Variants in B4GALNT2 observed in about 807,000 individuals in gnomAD.
B4GALNT2 encodes the protein beta-1,4-N-acetyl-galactosaminyltransferase 2 (SID blood group), also known as N-acetylneuraminylgalactosylglucosyl-glucoside beta-1,4-N- acetylgalactosaminyltransferase 2.
In B4GALNT2, 42 loss-of-function variants were observed where a neutral mutation model predicts 51.1. The observed-to-expected ratio is 0.82, with a 90% confidence interval of 0.64 to 1.06. The LOEUF is 1.06. Ranked by LOEUF, B4GALNT2 falls within the 50% of genes least tolerant of loss-of-function variation. The pLI is 0.00. For missense variants in B4GALNT2, 602 were observed against 633.6 expected (o/e 0.95, Z 0.54); for synonymous variants, 253 against 251.7 (o/e 1.01, Z -0.05).
At chr17:49,137,132 A>C (rs530567606) in intron 1 of B4GALNT2, among the ~76,000 whole-genome samples, 1 of 152,172 alleles carries the variant, frequency 6.6e-6, no homozygotes, top group African/African-American at 2.4e-5. Flanking sequence ...AAATAACTGT[A>C]AACAACTTCC....
intron 4 of B4GALNT2, among the ~76,000 whole-genome samples, chr17:49,154,311 T>A (rs552669312): frequency 2.2e-4 from 34 of 152,226 alleles, no homozygotes; most frequent in African/African-American, 7.9e-4. Context: ...GGGAGTGCAT[T>A]GTGAAAAGAA....
intron 6 of B4GALNT2, among the ~76,000 whole-genome samples, 157 bp downstream of exon 6, chr17:49,159,374 C>T (rs1233633844): frequency 6.6e-6 from 1 of 152,132 alleles, no homozygotes; most frequent in Non-Finnish European, 1.5e-5. Context: ...CGGAGTCTCA[C>T]TCTGTCACCC....
intron 8 of B4GALNT2, among the ~76,000 whole-genome samples, chr17:49,165,868 C>T (rs552305592): frequency 1.3e-5 from 2 of 152,244 alleles, no homozygotes; most frequent in South Asian, 4.1e-4. Flanking sequence ...GAATGACTTT[C>T]TAGCCTTTCT....
chr17:49,132,221 T>C (rs2042545297), upstream of B4GALNT2, among the ~76,000 whole-genome samples: 1 of 152,210 alleles, frequency 6.6e-6, no homozygotes, highest in Non-Finnish European at 1.5e-5. Context: ...GCCTGGCTTA[T>C]GAAAAAGGTC....
At chr17:49,153,405 A>C (rs1249621493) in intron 4 of B4GALNT2, among the ~76,000 whole-genome samples, 1 of 152,140 alleles carries the variant, frequency 6.6e-6, no homozygotes, top group Admixed American at 6.6e-5. Context: ...ACAAAGTGAG[A>C]TCCTGTCTCA....
chr17:49,147,237 G>C (rs1188071257), intron 3 of B4GALNT2, among the ~76,000 whole-genome samples: 1 of 152,122 alleles, frequency 6.6e-6, no homozygotes, highest in Non-Finnish European at 1.5e-5. Context: ...GAGGCTGATT[G>C]GTCAATCTGA....
chr17:49,128,894 G>A (rs1353765413), upstream of B4GALNT2, among the ~76,000 whole-genome samples: 1 of 152,134 alleles, frequency 6.6e-6, no homozygotes, highest in African/African-American at 2.4e-5. Context: ...GTCTGTTTTA[G>A]TTCTAGGCAT....
chr17:49,124,649 T>C, the B4GALNT2 span, among the ~76,000 whole-genome samples: 1 of 144,904 alleles, frequency 6.9e-6, no homozygotes, highest in Non-Finnish European at 1.5e-5. Context: ...TCCTGTATGA[T>C]TTTATACCAA....
chr17:49,170,458 A>T lies in B4GALNT2; in HGVS notation c.*730A>T, dbSNP rs2042950893. The stretch of plus-strand genomic sequence containing the variant: ...CACTCCAGACCTGTTCCAGAATGCC[A>T]GGGATTGAACTCAGAGCCCATGCCA... On this transcript the variant is annotated 3_prime_UTR_variant, in exon 11 of 11. Coordinates refer to ENST00000393354, the MANE Select transcript of B4GALNT2 (RefSeq NM_001159387.2). The T allele has an allele frequency of 6.6e-6, 1 of 152,320 alleles. No individual in the cohort carries two copies. Among genetic ancestry groups the T allele is most frequent in the South Asian group, 2.1e-4 (1 of 4,836 alleles). 9.4% of individuals were successfully genotyped at this position (152,320 alleles called of 1,614,324 possible).
intron 7 of B4GALNT2, among the ~76,000 whole-genome samples, chr17:49,163,810 C>A (rs913147691): frequency 7.0e-6 from 1 of 143,612 alleles, no homozygotes; most frequent in Non-Finnish European, 1.5e-5. Context: ...AAAGTGCTAA[C>A]AGGCAGGAGG....
chr17:49,126,639 TTTC>T, the B4GALNT2 span, among the ~76,000 whole-genome samples: 61,246 of 132,266 alleles, frequency 0.46, 14,052 homozygotes, highest in Middle Eastern at 0.57. Context: ...TTTCTTTTTT[TTTC>T]TTTCTTTCTT....
At position 49,171,360 on chromosome 17, in the gene B4GALNT2, C is replaced by A; in HGVS notation, c.*1632C>A. ...AATATCTGCTAATCTGTCTGCAGCT[C>A]CTTCAAGCACTCCAGTTCCTGGCAT... On this transcript the variant is annotated 3_prime_UTR_variant, in exon 11 of 11. Coordinates refer to ENST00000393354, the MANE Select transcript of B4GALNT2 (RefSeq NM_001159387.2). 2.3e-6 allele frequency: 1 copy of A among 429,280 alleles called. No individual in the cohort carries two copies. The highest frequency in any genetic ancestry group is 4.5e-6 in the Non-Finnish European group (1 of 220,814). 26.6% of individuals were successfully genotyped at this position (429,280 alleles called of 1,614,324 possible).
rs143101030 is a variant in B4GALNT2, at chr17:49,164,263, G to A, written c.942G>A (p.Met314Ile). Reference protein sequence around the residue: ...IKDNHVEYYTMPFGKGWFAGR... With the variant: ...IKDNHVEYYTIPFGKGWFAGR... ...ACAATCACGTGGAGTATTACACTATGCCCTTTGGGAAGGTATGTCCCTCTC... is the reference window on the plus strand; with the variant it reads ...ACAATCACGTGGAGTATTACACTATACCCTTTGGGAAGGTATGTCCCTCTC... Residue 314 changes from methionine to isoleucine, a missense_variant, in exon 8 of 11, where the codon ATG becomes ATA. Physicochemically the swap from Met to Ile is conservative, Grantham distance 10 (BLOSUM62 1). Transcript: ENST00000393354. 1.1e-4 allele frequency: 177 copies of A among 1,612,264 alleles called. No individual in the cohort carries two copies. The African/African-American group carries it at 2.2e-3, about 20-fold the overall frequency.
At chr17:49,124,458 A>G in the B4GALNT2 span, among the ~76,000 whole-genome samples, 2 of 152,226 alleles carry the variant, frequency 1.3e-5, no homozygotes, top group African/African-American at 4.8e-5. Flanking sequence ...TGACAAGGAT[A>G]TCTGTTACCT....
rs946701897 is a variant in B4GALNT2, at chr17:49,150,423, A to G, written c.354-2377A>G. On this transcript the variant is annotated intron_variant, in intron 3 of 10. Transcript: ENST00000393354. ...GGCCACCACCCCGTCTGGGAGGTGT[A>G]CCCAACAGCTCATTGAGAACGGGCC... Among the ~76,000 whole-genome samples the G allele has an allele frequency of 3.5e-3, 527 of 152,220 alleles. 5 individuals are homozygous for G. The highest frequency in any genetic ancestry group is 0.012 in the African/African-American group (494 of 41,508).
chr17:49,153,515 T>C (rs2144312257), intron 4 of B4GALNT2, among the ~76,000 whole-genome samples: 1 of 152,092 alleles, frequency 6.6e-6, no homozygotes, highest in African/African-American at 2.4e-5. Context: ...TGATTTTTTT[T>C]TTTTTTATTG....
chr17:49,169,492 C>T, intron 10 of B4GALNT2, 31 bp from the exon 11 acceptor site: 1 of 1,598,432 alleles, frequency 6.3e-7, no homozygotes, highest in Non-Finnish European at 8.5e-7. Flanking sequence ...ACCGCAGCTC[C>T]CACTTCCTTC....
intron 7 of B4GALNT2, 102 bp from the exon 8 acceptor site, chr17:49,163,986 C>T: frequency 8.6e-7 from 1 of 1,158,916 alleles, no homozygotes; most frequent in Admixed American, 2.2e-5. Flanking sequence ...GACCCACAGA[C>T]ACTGACAGGT....
intron 8 of B4GALNT2, among the ~76,000 whole-genome samples, chr17:49,165,079 G>C (rs1032474425): frequency 1.3e-5 from 2 of 152,154 alleles, no homozygotes; most frequent in African/African-American, 4.8e-5. Flanking sequence ...TTCCCAAAGT[G>C]CTGGGATTAC....
Sources: allele counts gnomAD v4.1 joint callset (sites outside exome capture counted in the v4.1 genomes callset), GRCh38; gene constraint gnomAD v4.1.1; transcripts MANE v1.5; gene names NCBI Gene and HGNC (gene_info 2026-07-23, HGNC 2026-07-21).